C18orf32: variants seen among roughly 807,000 people sequenced by gnomAD.
The protein encoded by C18orf32 is chromosome 18 open reading frame 32.
A neutral mutation model predicts 7.4 loss-of-function variants in C18orf32; 5 were observed. That is an observed-to-expected ratio of 0.68 (90% confidence interval 0.35 to 1.42). The LOEUF (loss-of-function observed/expected upper bound fraction) is 1.42, where lower values mean the gene tolerates loss of function less well. C18orf32 is among the 40% of genes most tolerant of loss of function. The pLI is 0.04. For synonymous variants in C18orf32, 30 were observed against 29.3 expected, an observed-to-expected ratio of 1.02 and a Z score of -0.08; for missense variants, 88 against 92.4, an observed-to-expected ratio of 0.95 and a Z score of 0.19.
Position 49,479,024 on chromosome 18 carries a change from C to A in C18orf32, c.*3321G>T, listed in dbSNP as rs769305481. 3.9e-5 allele frequency: 6 copies of A among 152,064 alleles called. No homozygotes were observed. Among genetic ancestry groups the A allele is most frequent in the Non-Finnish European group, 5.9e-5 (4 of 68,034 alleles). 9.4% of individuals were successfully genotyped at this position (152,064 alleles called of 1,614,324 possible). On this transcript the variant is annotated 3_prime_UTR_variant, in exon 3 of 3. Transcript: ENST00000318240. ...TCAAAAGTTGGCAATTGCATACTAGCCACCCCTATCCTGCTTTTAAAATGT... is the reference window on the plus strand; with the variant it reads ...TCAAAAGTTGGCAATTGCATACTAGACACCCCTATCCTGCTTTTAAAATGT...
chr18:49,483,519 C>A, intron 2 of C18orf32, 65 bp downstream of exon 2: 1 of 1,484,498 alleles, frequency 6.7e-7, no homozygotes, highest in Middle Eastern at 1.9e-4. Context: ...CTTCCAAAAT[C>A]TAGTGTTTCA....
rs1259463238 is a variant in C18orf32, at chr18:49,479,609, A to G, written c.*2736T>C. 6.6e-6 allele frequency: 1 copy of G among 152,342 alleles called. No individual in the cohort carries two copies. Among genetic ancestry groups the G allele is most frequent in the Non-Finnish European group, 1.5e-5 (1 of 68,176 alleles). 9.4% of individuals were successfully genotyped at this position (152,342 alleles called of 1,614,324 possible). The stretch of plus-strand genomic sequence containing the variant: ...GGTGAAGGACAGGTTAGGAAAAATA[A>G]AAGAAGTCAGGTGGAGTTGGCTGCC... On this transcript the variant is annotated 3_prime_UTR_variant, in exon 3 of 3. Transcript: ENST00000318240.
chr18:49,485,166 C>T (rs1271955042), intron 1 of C18orf32, among the ~76,000 whole-genome samples: 2 of 152,180 alleles, frequency 1.3e-5, no homozygotes, highest in Non-Finnish European at 2.9e-5. Context: ...TATGCTTAGA[C>T]ATTTAAAAAT....
rs1199145383 is a variant in C18orf32 at position 49,477,463 on chromosome 18, G to A, written c.*4882C>T. On this transcript the variant is annotated 3_prime_UTR_variant, in exon 3 of 3. Coordinates refer to ENST00000318240, the MANE Select transcript of C18orf32 (RefSeq NM_001035005.4). ...ATTTCTGCCTAATTATTCCCAATAAGGTATTACTAACAATTAAGATATTAG... is the reference window on the plus strand; with the variant it reads ...ATTTCTGCCTAATTATTCCCAATAAAGTATTACTAACAATTAAGATATTAG... 6.7e-6 allele frequency: 1 copy of A among 150,108 alleles called. No individual in the cohort carries two copies. The highest frequency in any genetic ancestry group is 1.5e-5 in the Non-Finnish European group (1 of 68,034). 9.3% of individuals were successfully genotyped at this position (150,108 alleles called of 1,614,324 possible). A position where few individuals can be genotyped will look rare whatever the true frequency, so the allele number is the denominator to read the frequency against.
intron 2 of C18orf32, among the ~76,000 whole-genome samples, chr18:49,483,125 C>A (rs1568495149): frequency 6.6e-6 from 1 of 152,138 alleles, no homozygotes; most frequent in Non-Finnish European, 1.5e-5. Flanking sequence ...TAAAAACAGA[C>A]AAGCTCCAGA....
In C18orf32 at chr18:49,477,811, T is replaced by TATAC. The variant is rs143285813; in HGVS notation, c.*4533_*4534insGTAT. ...ACAAACAAACAAAAATATATATATA[T>TATAC]ACACACACTATATATATATACACAT... On this transcript the variant is annotated 3_prime_UTR_variant, in exon 3 of 3. Coordinates refer to ENST00000318240, the MANE Select transcript of C18orf32 (RefSeq NM_001035005.4). The TATAC allele has an allele frequency of 0.1, 11,306 of 113,344 alleles. 922 individuals are homozygous for TATAC. The highest frequency in any genetic ancestry group is 0.17 in the African/African-American group (4,576 of 27,422). 7.0% of individuals were successfully genotyped at this position (113,344 alleles called of 1,614,324 possible).
At chr18:49,482,787 A>C (rs764359862) in intron 2 of C18orf32, among the ~76,000 whole-genome samples, 1 of 144,866 alleles carries the variant, frequency 6.9e-6, no homozygotes, top group Non-Finnish European at 1.5e-5. Context: ...ATTAAGAGAC[A>C]TTCTGTCTCT....
At position 49,478,635 on chromosome 18, in the gene C18orf32, A is replaced by G. The variant is rs1420964204; in HGVS notation, c.*3710T>C. 4 of 150,292 alleles carry G rather than the reference A, an allele frequency of 2.7e-5. No individual in the cohort carries two copies. Among genetic ancestry groups the G allele is most frequent in the Non-Finnish European group, 5.9e-5 (4 of 68,026 alleles). 9.3% of individuals were successfully genotyped at this position (150,292 alleles called of 1,614,324 possible). On this transcript the variant is annotated 3_prime_UTR_variant, in exon 3 of 3. Transcript: ENST00000318240. ...GTTTGTGTGTGTGAAACACCCATGA[A>G]CAGTGCAGGTACAATGTGTTTAACA...
intron 1 of C18orf32, chr18:49,486,608 G>T (rs763394505): frequency 4.6e-5 from 7 of 151,494 alleles, no homozygotes; most frequent in Non-Finnish European, 1.0e-4. Context: ...TTAATTATTC[G>T]CTCCAAGCCA....
chr18:49,486,592 A>G (rs2083751437), intron 1 of C18orf32: 1 of 151,990 alleles, frequency 6.6e-6, no homozygotes. Context: ...ACGAGATATT[A>G]TTATTTTAAT....
In C18orf32 at chr18:49,482,396, A is replaced by T. The variant is rs557677875; in HGVS notation, c.180T>A (p.Asn60Lys). Residue 60 changes from asparagine to lysine, a missense_variant, in exon 3 of 3, where the codon AAT becomes AAA. By Grantham distance (94) the Asn-to-Lys change is moderately conservative. Transcript: ENST00000318240. ...CTGTTGGTCCTTTTGTTGGTAATCC[A>T]TTCATGTCTGCACCCTAAAATGAAA... is the stretch of plus-strand genomic sequence containing the variant. The part of the protein sequence containing the change: ...GKVNFKGADM[N>K]GLPTKGPTEI... The T allele has an allele frequency of 1.2e-6, 2 of 1,612,254 alleles. No individual in the cohort carries two copies.
Position 49,483,733 on chromosome 18 carries a change from A to G in C18orf32, c.16T>C (p.Cys6Arg), listed in dbSNP as rs2083695901. The G allele has an allele frequency of 5.0e-6, 8 of 1,611,052 alleles. No homozygotes were observed. The highest frequency in any genetic ancestry group is 6.8e-6 in the Non-Finnish European group (8 of 1,179,468). MVCIPCIVIPVLLWIY... is the reference protein window; with the variant it reads MVCIPRIVIPVLLWIY... ...CAGAGCAGAACTGGAATGACGATAC[A>G]AGGAATGCACACCATTTTCCCAAGC... The change falls in exon 2 of 3, where the codon TGT becomes CGT. Residue 6 changes from cysteine to arginine, a missense_variant. By Grantham distance (180) the Cys-to-Arg change is radical. Coordinates refer to ENST00000318240, the MANE Select transcript of C18orf32 (RefSeq NM_001035005.4).
At chr18:49,482,626 C>CTT (rs2083676093) in intron 2 of C18orf32, among the ~76,000 whole-genome samples, 1 of 151,478 alleles carries the variant, frequency 6.6e-6, no homozygotes, top group Admixed American at 6.6e-5. Flanking sequence ...ACTCAGGAGG[C>CTT]TGAGGCAGGA....
rs72071720 is a variant in C18orf32 at position 49,484,167 on chromosome 18, TACACAC to T, written c.-23-402_-23-397del. Among the ~76,000 whole-genome samples, 414 of 93,834 alleles carry T rather than the reference TACACAC, an allele frequency of 4.4e-3. 18 individuals carry two copies. In the South Asian group the frequency reaches 0.1, roughly 23 times the overall value. The allele number at this position is 93,834 out of a possible 152,430, so 61.6% of individuals were successfully genotyped here. On this transcript the variant is annotated intron_variant, in intron 1 of 2. Coordinates refer to ENST00000318240, the MANE Select transcript of C18orf32 (RefSeq NM_001035005.4). ...AAAAAAATATATATATATATATATA[TACACAC>T]ACACACACACACACACACACACACA...
At chr18:49,484,851 G>C (rs1391929255) in intron 1 of C18orf32, 1 of 152,148 alleles carries the variant, frequency 6.6e-6, no homozygotes, top group African/African-American at 2.4e-5. Context: ...GGGAGGCCAA[G>C]GCGGGCAGAT....
At chr18:49,483,468 TG>T in intron 2 of C18orf32, 115 bp downstream of exon 2, 1 of 1,313,760 alleles carries the variant, frequency 7.6e-7, no homozygotes, top group Non-Finnish European at 1.0e-6. Context: ...TTAAGCCAAA[TG>T]TTACACAAAC....
At chr18:49,483,266 T>G (rs1307086434) in intron 2 of C18orf32, among the ~76,000 whole-genome samples, 1 of 152,202 alleles carries the variant, frequency 6.6e-6, no homozygotes, top group Non-Finnish European at 1.5e-5. Context: ...AAATTGTTTT[T>G]TTTTTAAATC....
At chr18:49,482,555 C>T (rs527417173) in intron 2 of C18orf32, 145 bp from the exon 3 acceptor site, 11 of 576,104 alleles carry the variant, frequency 1.9e-5, no homozygotes, top group East Asian at 1.5e-4. Context: ...GGTGAAACCC[C>T]GTCCCTACTA....
chr18:49,479,316 G>A lies in C18orf32; in HGVS notation c.*3029C>T, dbSNP rs916524480. 1.3e-5 allele frequency: 2 copies of A among 152,352 alleles called. No homozygotes were observed. The highest frequency in any genetic ancestry group is 2.4e-5 in the African/African-American group (1 of 41,576). 9.4% of individuals were successfully genotyped at this position (152,352 alleles called of 1,614,324 possible). A position where few individuals can be genotyped will look rare whatever the true frequency, so the allele number is the denominator to read the frequency against. On this transcript the variant is annotated 3_prime_UTR_variant, in exon 3 of 3. Transcript: ENST00000318240. ...AACAAGACGTCCAATACAGGAGGGTGGCAACAGAAAGTCCCGAGGACTGCA... is the reference window on the plus strand; with the variant it reads ...AACAAGACGTCCAATACAGGAGGGTAGCAACAGAAAGTCCCGAGGACTGCA...
Sources: allele counts gnomAD v4.1 joint callset (sites outside exome capture counted in the v4.1 genomes callset), GRCh38; gene constraint gnomAD v4.1.1; transcripts MANE v1.5; gene names NCBI Gene and HGNC (gene_info 2026-07-23, HGNC 2026-07-21).